The following CREBBP variants were observed in gnomAD, a reference collection of about 807,000 sequenced individuals.
The protein encoded by CREBBP is CREB-binding protein.
In CREBBP, 19 loss-of-function variants were observed where a neutral mutation model predicts 265.0. That is an observed-to-expected ratio of 0.07 (90% CI 0.05 to 0.11). The LOEUF is 0.11. Ranked by LOEUF, CREBBP falls within the 10% of genes least tolerant of loss-of-function variation. The pLI, the probability that CREBBP is intolerant of heterozygous loss-of-function variation, is 1.00. For synonymous variants in CREBBP, 1,457 were observed against 1,223.7 expected, an observed-to-expected ratio of 1.19 and a Z score of -3.98; for missense variants, 2,525 against 3,219.0, an observed-to-expected ratio of 0.78 and a Z score of 5.22.
intron 30 of CREBBP, among the ~76,000 whole-genome samples, chr16:3,730,232 T>C (rs972865975): frequency 1.3e-5 from 2 of 152,112 alleles, no homozygotes; most frequent in African/African-American, 4.8e-5. Flanking sequence ...TCACGGACAG[T>C]AGACACCAGC....
chr16:3,857,323 C>A (rs2054984451), intron 1 of CREBBP, among the ~76,000 whole-genome samples: 1 of 151,872 alleles, frequency 6.6e-6, no homozygotes, highest in Non-Finnish European at 1.5e-5. Flanking sequence ...TAGACAAATT[C>A]TTCTTCTGTA....
intron 27 of CREBBP, 118 bp from the exon 28 acceptor site, chr16:3,736,321 G>C (rs2052058473): frequency 9.3e-7 from 1 of 1,072,994 alleles, no homozygotes; most frequent in African/African-American, 1.6e-5. Context: ...TCCCATGCAT[G>C]TGTGCCCCCC....
chr16:3,823,221 G>A (rs145073758), intron 2 of CREBBP, among the ~76,000 whole-genome samples: 89 of 152,276 alleles, frequency 5.8e-4, no homozygotes, highest in African/African-American at 2.1e-3. Flanking sequence ...AGGAGGAAAA[G>A]TTGTTTCTTA....
intron 3 of CREBBP, among the ~76,000 whole-genome samples, chr16:3,798,734 G>A (rs997091408): frequency 2.0e-5 from 3 of 152,192 alleles, no homozygotes; most frequent in African/African-American, 7.2e-5. Flanking sequence ...ATTGGTGTGG[G>A]AATGTAGAAG....
At position 3,729,133 on chromosome 16, in the gene CREBBP, G is replaced by A. The variant is rs1410273263; in HGVS notation, c.5914C>T (p.Leu1972=). The change falls in exon 31 of 31, where the codon CTG becomes TTG. Residue 1972 remains leucine, a synonymous_variant. Coordinates refer to ENST00000262367, the MANE Select transcript of CREBBP (RefSeq NM_004380.3). The part of the protein sequence containing the change: ...IEREAQQQQH[L]YRVNINNSMP... Reference sequence around the variant, plus strand: ...CTGTTGTTGATGTTCACCCGGTACAGGTGCTGCTGCTGCTGGGCCTCACGC... The same window carrying A: ...CTGTTGTTGATGTTCACCCGGTACAAGTGCTGCTGCTGCTGGGCCTCACGC... 2 of 1,572,142 alleles carry A rather than the reference G, an allele frequency of 1.3e-6. No individual in the cohort carries two copies. The highest frequency in any genetic ancestry group is 8.6e-7 in the Non-Finnish European group (1 of 1,165,682).
At chr16:3,761,987 A>G (rs1444030431) in intron 16 of CREBBP, among the ~76,000 whole-genome samples, 1 of 152,212 alleles carries the variant, frequency 6.6e-6, no homozygotes, top group African/African-American at 2.4e-5. Context: ...TGGATTTCAC[A>G]TTGTTTAATG....
intron 16 of CREBBP, among the ~76,000 whole-genome samples, chr16:3,760,344 A>G (rs1290477635): frequency 6.8e-6 from 1 of 146,994 alleles, no homozygotes; most frequent in Non-Finnish European, 1.5e-5. Context: ...CCCCTGCCTC[A>G]GCCTTCCAAA....
intron 2 of CREBBP, among the ~76,000 whole-genome samples, chr16:3,833,674 G>T (rs2054386882): frequency 6.6e-6 from 1 of 152,000 alleles, no homozygotes; most frequent in Non-Finnish European, 1.5e-5. Context: ...TAAAACCTAG[G>T]AATTAAACAG....
At chr16:3,774,293 C>G (rs938663145) in intron 12 of CREBBP, among the ~76,000 whole-genome samples, 2 of 152,194 alleles carry the variant, frequency 1.3e-5, no homozygotes, top group Non-Finnish European at 2.9e-5. Flanking sequence ...CCCTGCTGGC[C>G]ACATATCTGA....
In CREBBP at chr16:3,879,953, G is replaced by A. The variant is rs1285559577; in HGVS notation, c.-37C>T. 5.7e-6 allele frequency: 9 copies of A among 1,587,988 alleles called. No individual in the cohort carries two copies. The highest frequency in any genetic ancestry group is 6.0e-6 in the Non-Finnish European group (7 of 1,165,980). On this transcript the variant is annotated 5_prime_UTR_variant, in exon 1 of 31. Coordinates refer to ENST00000262367, the MANE Select transcript of CREBBP (RefSeq NM_004380.3). ...CGCGAAAACAGCCCCGGGCACGGGC[G>A]GCCGGGCCGGCGAGGGCCCGGACGG...
In CREBBP at chr16:3,850,343, G is replaced by C. The variant is rs897992674; in HGVS notation, c.752C>G (p.Thr251Ser). ...ETLTQVSPQM[T>S]GHAGLNTAQA... ...TGCGGTGTTCAGTCCCGCGTGACCA[G>C]TCATTTGCGGGGAAACCTGCGTTAG... is the stretch of plus-strand genomic sequence containing the variant. Residue 251 changes from threonine (T) to serine (S), a missense_variant, in exon 2 of 31, where the codon ACT becomes AGT. Physicochemically the swap from Thr to Ser is moderately conservative, Grantham distance 58 (BLOSUM62 1). Coordinates refer to ENST00000262367, the MANE Select transcript of CREBBP (RefSeq NM_004380.3). The C allele has an allele frequency of 2.5e-6, 4 of 1,614,254 alleles. No individual in the cohort carries two copies. The highest frequency in any genetic ancestry group is 2.7e-5 in the African/African-American group (2 of 75,066).
Position 3,794,331 on chromosome 16 carries a change from C to CAAAAA in CREBBP, c.976-710_976-706dup, listed in dbSNP as rs746656673. ...TGGGCGACAGATCGAGACTCCGTCT[C>CAAAAA]AAAAAAAAAAAAAAAAAAAAAAAAA... is the stretch of plus-strand genomic sequence containing the variant. On this transcript the variant is annotated intron_variant, in intron 3 of 30. Transcript: ENST00000262367. 8.9e-3 allele frequency among the ~76,000 whole-genome samples: 352 copies of CAAAAA among 39,644 alleles called. 50 individuals carry two copies. Among genetic ancestry groups the CAAAAA allele is most frequent in the Non-Finnish European group, 0.013 (284 of 21,428 alleles). 26.0% of individuals were successfully genotyped at this position (39,644 alleles called of 152,430 possible).
chr16:3,876,011 T>C (rs907180813), intron 1 of CREBBP, among the ~76,000 whole-genome samples: 3 of 152,134 alleles, frequency 2.0e-5, no homozygotes, highest in African/African-American at 7.2e-5. Flanking sequence ...GAAACACAGC[T>C]ATGTTCAATC....
intron 1 of CREBBP, among the ~76,000 whole-genome samples, chr16:3,862,640 T>C (rs1379690457): frequency 2.6e-5 from 4 of 152,298 alleles, no homozygotes; most frequent in African/African-American, 9.6e-5. Flanking sequence ...ATATACGACA[T>C]TCTAGTGGGG....
At chr16:3,858,297 AC>A (rs2055004533) in intron 1 of CREBBP, among the ~76,000 whole-genome samples, 1 of 152,250 alleles carries the variant, frequency 6.6e-6, no homozygotes, top group African/African-American at 2.4e-5. Context: ...CAAAGTATCC[AC>A]AAAACACACC....
intron 2 of CREBBP, among the ~76,000 whole-genome samples, chr16:3,815,661 T>G (rs1202238434): frequency 6.6e-6 from 1 of 151,894 alleles, no homozygotes; most frequent in African/African-American, 2.4e-5. Flanking sequence ...TTTTTCATTT[T>G]TAATTTTGGG....
chr16:3,744,009 G>A (rs2052280244), intron 23 of CREBBP, among the ~76,000 whole-genome samples: 1 of 152,082 alleles, frequency 6.6e-6, no homozygotes, highest in Admixed American at 6.6e-5. Flanking sequence ...CCAGGAGGTG[G>A]AGGTTGCAGT....
At chr16:3,809,835 A>T (rs1019860716) in intron 3 of CREBBP, among the ~76,000 whole-genome samples, 3 of 152,122 alleles carry the variant, frequency 2.0e-5, no homozygotes, top group African/African-American at 7.2e-5. Flanking sequence ...TTCCCAAATC[A>T]CTATGGCAGC....
intron 19 of CREBBP, among the ~76,000 whole-genome samples, chr16:3,752,238 G>A (rs969302337): frequency 6.6e-6 from 1 of 152,286 alleles, no homozygotes; most frequent in Non-Finnish European, 1.5e-5. Flanking sequence ...CTCAGAGAAA[G>A]TCAAATATAA....
Sources: allele counts gnomAD v4.1 joint callset (sites outside exome capture counted in the v4.1 genomes callset), GRCh38; gene constraint gnomAD v4.1.1; transcripts MANE v1.5; gene names NCBI Gene and HGNC (gene_info 2026-07-23, HGNC 2026-07-21).